UBE2Z: variants seen among roughly 807,000 people sequenced by gnomAD.
The protein encoded by UBE2Z is ubiquitin conjugating enzyme E2 Z.
A neutral mutation model predicts 32.6 loss-of-function variants in UBE2Z; 10 were observed. The observed-to-expected ratio is 0.31, with a 90% CI of 0.19 to 0.52. The LOEUF is 0.52. UBE2Z is among the 20% of genes least tolerant of loss of function. The probability of loss-of-function intolerance (pLI) is 0.97; values close to 1 mark genes in which losing one functional copy is unlikely to be tolerated. For synonymous variants in UBE2Z, 183 were observed against 190.8 expected (o/e 0.96, Z 0.34); for missense variants, 343 against 480.9 (o/e 0.71, Z 2.68).
At chr17:48,922,777 AAGGTT>A (rs1208026126) in intron 5 of UBE2Z, 65 bp from the exon 6 acceptor site, 53 of 1,259,240 alleles carry the variant, frequency 4.2e-5, no homozygotes, top group East Asian at 2.5e-4. Flanking sequence ...AAAAAAAAAA[AAGGTT>A]AGGTAAGGAA....
rs1174954217 is a variant in UBE2Z, at chr17:48,928,351, T to A, written c.*1217T>A. The A allele has an allele frequency of 1.3e-5, 2 of 152,054 alleles. No homozygotes were observed. The highest frequency in any genetic ancestry group is 2.4e-5 in the African/African-American group (1 of 41,268). The allele number at this position is 152,054 out of a possible 1,614,324, so 9.4% of individuals were successfully genotyped here. On this transcript the variant is annotated 3_prime_UTR_variant, in exon 7 of 7. Coordinates refer to ENST00000360943, the MANE Select transcript of UBE2Z (RefSeq NM_023079.5). Reference sequence around the variant, plus strand: ...GCTGGTTGGCTCAGAAAAAAAAAAATGTGCTTTAGGTGCCCTGTAATCCTG... The same window carrying A: ...GCTGGTTGGCTCAGAAAAAAAAAAAAGTGCTTTAGGTGCCCTGTAATCCTG...
In UBE2Z at chr17:48,916,258, G is replaced by GTTTTTTTTTTTTTTTT. The variant is rs371253123; in HGVS notation, c.690+86_690+87insTTTTTTTTTTTTTTTT. The GTTTTTTTTTTTTTTTT allele has an allele frequency of 2.7e-3, 1,118 of 418,634 alleles. 37 individuals carry two copies. The highest frequency in any genetic ancestry group is 3.7e-3 in the East Asian group (69 of 18,430). The allele number at this position is 418,634 out of a possible 1,614,324, so 25.9% of individuals were successfully genotyped here. Reference sequence around the variant, plus strand: ...GTTTGTTTGGTTGGTTGGTTTTTTTGTTTTTTTTTTTTTTTGAGACAGAGT... The same window carrying GTTTTTTTTTTTTTTTT: ...GTTTGTTTGGTTGGTTGGTTTTTTTGTTTTTTTTTTTTTTTTTTTTTTTTTTTTTTTGAGACAGAGT... On this transcript the variant is annotated intron_variant, in intron 4 of 6. Transcript: ENST00000360943.
At chr17:48,912,554 C>A in intron 2 of UBE2Z, 3 of 392,356 alleles carry the variant, frequency 7.6e-6, no homozygotes, top group African/African-American at 2.0e-5. Flanking sequence ...AGGGGATACT[C>A]AAGAGTGATT....
intron 3 of UBE2Z, chr17:48,915,628 C>A: frequency 5.4e-6 from 1 of 184,840 alleles, no homozygotes; most frequent in Non-Finnish European, 1.1e-5. Flanking sequence ...AGCCCCACCA[C>A]ATGGCCTCTA....
intron 3 of UBE2Z, among the ~76,000 whole-genome samples, chr17:48,915,149 G>A (rs970942081): frequency 2.0e-5 from 3 of 152,036 alleles, no homozygotes; most frequent in Non-Finnish European, 4.4e-5. Flanking sequence ...GAAATTTAAC[G>A]AGAGTTGACT....
chr17:48,911,818 T>G (rs1415619393), intron 2 of UBE2Z: 1 of 152,226 alleles, frequency 6.6e-6, no homozygotes, highest in Non-Finnish European at 1.5e-5. Context: ...AGCCAGAATA[T>G]GACGTAGGGT....
At chr17:48,922,394 TAAA>T (rs895283585) in intron 5 of UBE2Z, among the ~76,000 whole-genome samples, 7 of 151,612 alleles carry the variant, frequency 4.6e-5, no homozygotes, top group African/African-American at 1.2e-4. Context: ...CTCAAAAAAA[TAAA>T]AAATAAATAA....
At chr17:48,924,845 C>CAAAAA (rs5820735) in intron 6 of UBE2Z, among the ~76,000 whole-genome samples, 1 of 85,730 alleles carries the variant, frequency 1.2e-5, no homozygotes, top group South Asian at 5.2e-4. Flanking sequence ...GATTCTGTCT[C>CAAAAA]AAAAAAAAAA....
At position 48,916,196 on chromosome 17, in the gene UBE2Z, AG is replaced by A; in HGVS notation, c.690+10del. ...AGCCCGGCTTTGAACAGGTAAGGCC[AG>A]ATGGGCCTGGCTCTGGGGTGTAGAC... On this transcript the variant is annotated intron_variant, in intron 4 of 6. Coordinates refer to ENST00000360943, the MANE Select transcript of UBE2Z (RefSeq NM_023079.5). 1 of 1,507,736 alleles carries A rather than the reference AG, an allele frequency of 6.6e-7. No homozygotes were observed. The highest frequency in any genetic ancestry group is 8.9e-7 in the Non-Finnish European group (1 of 1,124,986). 93.4% of individuals were successfully genotyped at this position (1,507,736 alleles called of 1,614,324 possible).
chr17:48,912,450 A>G (rs117856913), intron 2 of UBE2Z: 4,158 of 175,778 alleles, frequency 0.024, 61 homozygotes, highest in Admixed American at 0.036. Context: ...ATAGATAAGC[A>G]TATTATATTT....
chr17:48,927,305 C>T lies in UBE2Z; in HGVS notation c.*171C>T. ...AGGGTGTGGGAGTGGGGGCCTGTTC[C>T]CGGTCTGACCTCCTTGGCACTGGAG... is the stretch of plus-strand genomic sequence containing the variant. On this transcript the variant is annotated 3_prime_UTR_variant, in exon 7 of 7. Transcript: ENST00000360943. 1 of 677,560 alleles carries T rather than the reference C, an allele frequency of 1.5e-6. No homozygotes were observed. The highest frequency in any genetic ancestry group is 2.8e-5 in the East Asian group (1 of 36,272). The allele number at this position is 677,560 out of a possible 1,614,324, so 42.0% of individuals were successfully genotyped here. A position where few individuals can be genotyped will look rare whatever the true frequency, so the allele number is the denominator to read the frequency against.
At chr17:48,925,577 G>T (rs1366890085) in intron 6 of UBE2Z, among the ~76,000 whole-genome samples, 1 of 152,154 alleles carries the variant, frequency 6.6e-6, no homozygotes, top group Non-Finnish European at 1.5e-5. Context: ...GTCCTAGTTT[G>T]TTCCCCATCA....
chr17:48,925,822 C>A (rs2040793870), intron 6 of UBE2Z, among the ~76,000 whole-genome samples: 1 of 152,138 alleles, frequency 6.6e-6, no homozygotes, highest in South Asian at 2.1e-4. Context: ...GCTGTAGTCC[C>A]AGTGACAGTG....
intron 6 of UBE2Z, 76 bp from the exon 7 acceptor site, chr17:48,926,888 T>A (rs954264164): frequency 4.7e-5 from 69 of 1,475,794 alleles, no homozygotes; most frequent in Admixed American, 1.3e-4. Context: ...TCATTTCACA[T>A]GGGCCCGAAG....
intron 4 of UBE2Z, 72 bp downstream of exon 4, chr17:48,916,259 T>TTTTTG: frequency 3.3e-6 from 1 of 304,920 alleles, no homozygotes; most frequent in East Asian, 6.7e-5. Context: ...GGTTTTTTTG[T>TTTTTG]TTTTTTTTTT....
Position 48,908,662 on chromosome 17 carries a change from C to A in UBE2Z, c.159C>A (p.Gly53=). 8.2e-7 allele frequency: 1 copy of A among 1,220,980 alleles called. No homozygotes were observed. Among genetic ancestry groups the A allele is most frequent in the Non-Finnish European group, 1.0e-6 (1 of 980,290 alleles). The allele number at this position is 1,220,980 out of a possible 1,614,324, so 75.6% of individuals were successfully genotyped here. ...TGTGGGCGGCGGCGGCGGCAGCGGG[C>A]GGGGCCGGGGGCCCGGGGAGCGGCC... ...PDVWAAAAAA[G]GAGGPGSGLA... Residue 53 remains glycine (G), a synonymous_variant, in exon 1 of 7, where the codon GGC becomes GGA. Transcript: ENST00000360943.
chr17:48,908,595 G>A lies in UBE2Z; in HGVS notation c.92G>A (p.Ser31Asn). ...AGCGTTGCTGGTGTTGTTGGCGTTA[G>A]CGGCAGCGGCGGCGGGTTCGGGCCG... ...ASSVAGVVGV[S>N]GSGGGFGPPF... The change falls in exon 1 of 7, where the codon AGC (serine) becomes AAC (asparagine). Residue 31 changes from serine (S) to asparagine (N), a missense_variant. This residue lies in a region of UBE2Z where 103 missense variants were observed against 96.2 expected (regional missense o/e 1.07). Coordinates refer to ENST00000360943, the MANE Select transcript of UBE2Z (RefSeq NM_023079.5). 1.6e-6 allele frequency: 2 copies of A among 1,240,234 alleles called. No homozygotes were observed. The highest frequency in any genetic ancestry group is 2.0e-6 in the Non-Finnish European group (2 of 989,006). The allele number at this position is 1,240,234 out of a possible 1,614,324, so 76.8% of individuals were successfully genotyped here. A position where few individuals can be genotyped will look rare whatever the true frequency, so the allele number is the denominator to read the frequency against.
At chr17:48,921,365 G>A (rs1371835112) in intron 5 of UBE2Z, 93 bp downstream of exon 5, 8 of 945,996 alleles carry the variant, frequency 8.5e-6, no homozygotes, top group Middle Eastern at 5.0e-4. Context: ...ACCAGAGGGA[G>A]ATAGAGAAGA....
rs957200164 is a variant in UBE2Z at position 48,928,298 on chromosome 17, A to G, written c.*1164A>G. On this transcript the variant is annotated 3_prime_UTR_variant, in exon 7 of 7. Coordinates refer to ENST00000360943, the MANE Select transcript of UBE2Z (RefSeq NM_023079.5). ...ATTTGCCTGGCTTTGTTGCTTCTCT[A>G]TCTGTATTTAGCTGCAGTGATCCTT... 6.6e-6 allele frequency: 1 copy of G among 151,722 alleles called. No homozygotes were observed. Among genetic ancestry groups the G allele is most frequent in the African/African-American group, 2.4e-5 (1 of 41,200 alleles). The allele number at this position is 151,722 out of a possible 1,614,324, so 9.4% of individuals were successfully genotyped here.
Sources: gnomAD v4.1 joint callset for allele counts (sites outside exome capture counted in the v4.1 genomes callset) on GRCh38, gnomAD v4.1.1 for gene constraint, gnomAD v4.1.1 regional missense constraint, MANE v1.5 for transcripts, NCBI Gene and HGNC (gene_info 2026-07-23, HGNC 2026-07-21) for gene names.